Variants in FANK1 observed in about 807,000 individuals in gnomAD.
The protein encoded by FANK1 is fibronectin type 3 and ankyrin repeat domains protein 1.
FANK1 carries 44 observed loss-of-function variants against 45.3 expected under a neutral mutation model. That is an observed-to-expected ratio of 0.97 (90% CI 0.76 to 1.25). FANK1 has a LOEUF of 1.25. Ranked by LOEUF, FANK1 falls within the 50% of genes most tolerant of loss-of-function variation. The probability of loss-of-function intolerance (pLI) is 0.00; values close to 1 mark genes in which losing one functional copy is unlikely to be tolerated. For synonymous variants in FANK1, 149 were observed against 152.5 expected, an observed-to-expected ratio of 0.98 and a Z score of 0.17; for missense variants, 391 against 424.4, an observed-to-expected ratio of 0.92 and a Z score of 0.69.
intron 1 of FANK1, among the ~76,000 whole-genome samples, chr10:125,950,933 G>A (rs1041584737): frequency 1.3e-4 from 19 of 151,232 alleles, no homozygotes; most frequent in Admixed American, 6.6e-4. Context: ...ATGAGTTCGC[G>A]TCCTTTGTAG....
At chr10:125,947,646 C>T (rs1358716468) in intron 1 of FANK1, among the ~76,000 whole-genome samples, 19 of 151,518 alleles carry the variant, frequency 1.3e-4, no homozygotes, top group African/African-American at 4.6e-4. Flanking sequence ...GAGACTTAGA[C>T]ACCCACACAT....
chr10:125,945,562 C>T (rs1422291420), intron 1 of FANK1, among the ~76,000 whole-genome samples: 1 of 152,198 alleles, frequency 6.6e-6, no homozygotes, highest in Non-Finnish European at 1.5e-5. Flanking sequence ...AAACGGCGAA[C>T]CACGAGATTA....
chr10:125,924,082 C>T (rs1398348336), intron 1 of FANK1, among the ~76,000 whole-genome samples: 3 of 152,122 alleles, frequency 2.0e-5, no homozygotes, highest in Non-Finnish European at 4.4e-5. Context: ...AGCGACTACA[C>T]TCCAGCCTGG....
intron 1 of FANK1, among the ~76,000 whole-genome samples, chr10:125,949,874 G>A (rs891913655): frequency 1.4e-5 from 2 of 146,050 alleles, no homozygotes; most frequent in African/African-American, 5.0e-5. Flanking sequence ...TATACTACAA[G>A]GCTACAGTAA....
At chr10:125,914,079 A>G (rs1946249472) in intron 1 of FANK1, among the ~76,000 whole-genome samples, 1 of 152,082 alleles carries the variant, frequency 6.6e-6, no homozygotes, top group African/African-American at 2.4e-5. Flanking sequence ...TTAAATTAAG[A>G]ACCATTAGAA....
chr10:126,000,345 A>C (rs1479484350), intron 6 of FANK1, among the ~76,000 whole-genome samples: 2 of 152,206 alleles, frequency 1.3e-5, no homozygotes, highest in Non-Finnish European at 2.9e-5. Context: ...CAGTTATTAA[A>C]ATGCCTCATA....
At chr10:126,002,999 G>T (rs1177386177) in intron 6 of FANK1, among the ~76,000 whole-genome samples, 1 of 152,004 alleles carries the variant, frequency 6.6e-6, no homozygotes, top group Non-Finnish European at 1.5e-5. Flanking sequence ...AGCTCTATTT[G>T]GGAGGTGGTG....
At chr10:125,972,831 C>T (rs1237149148) in intron 1 of FANK1, 1 of 152,160 alleles carries the variant, frequency 6.6e-6, no homozygotes, top group Non-Finnish European at 1.5e-5. Context: ...AGGCTTCACT[C>T]ACACCTAAGG....
intron 7 of FANK1, among the ~76,000 whole-genome samples, chr10:126,006,376 T>G: frequency 6.6e-6 from 1 of 152,216 alleles, no homozygotes; most frequent in Non-Finnish European, 1.5e-5. Flanking sequence ...CTTATTTTCC[T>G]TATGTTTTAG....
chr10:125,937,521 A>G (rs1253292194), intron 1 of FANK1, among the ~76,000 whole-genome samples: 1 of 152,200 alleles, frequency 6.6e-6, no homozygotes, highest in Non-Finnish European at 1.5e-5. Context: ...TTTTTCATGT[A>G]TAAGCTTTAA....
chr10:125,988,499 G>T (rs373778041), intron 2 of FANK1, 52 bp from the exon 3 acceptor site: 1 of 1,597,574 alleles, frequency 6.3e-7, no homozygotes, highest in African/African-American at 1.3e-5. Context: ...TTATCAGAGA[G>T]TGCAGATTAA....
intron 1 of FANK1, among the ~76,000 whole-genome samples, chr10:125,954,115 T>G (rs560039133): frequency 6.6e-6 from 1 of 152,310 alleles, no homozygotes; most frequent in South Asian, 2.1e-4. Flanking sequence ...AAGCAGAACC[T>G]GATTGGCTAA....
chr10:125,920,704 C>A (rs1166919357), intron 1 of FANK1, among the ~76,000 whole-genome samples: 1 of 152,188 alleles, frequency 6.6e-6, no homozygotes, highest in Non-Finnish European at 1.5e-5. Context: ...CAGGGCAGCA[C>A]ATCGTTTGCA....
chr10:126,009,225 G>A lies in FANK1; in HGVS notation c.931G>A (p.Gly311Ser), dbSNP rs747656202. The change falls in exon 10 of 11, where the codon GGC becomes AGC. Residue 311 changes from glycine (G) to serine (S), a missense_variant. Transcript: ENST00000368693. ...GADASVKNEF[G>S]KGVLEMARVF... ...TTTTTGTTGTTTCCTGTTTCAGTTC[G>A]GCAAAGGTGTCCTAGAAATGGCCAG... The A allele has an allele frequency of 6.8e-6, 11 of 1,614,126 alleles. No individual in the cohort carries two copies. Among genetic ancestry groups the A allele is most frequent in the African/African-American group, 5.3e-5 (4 of 75,016 alleles).
rs537376309 is a variant in FANK1 at position 125,928,114 on chromosome 10, T to C, written c.13+31459T>C. ...CAAGAAAGAATTCAGGGCGAGTCCATAGAGTAAAGTGATAGCAGGTTTATT... is the reference window on the plus strand; with the variant it reads ...CAAGAAAGAATTCAGGGCGAGTCCACAGAGTAAAGTGATAGCAGGTTTATT... On this transcript the variant is annotated intron_variant, in intron 1 of 10. Coordinates refer to ENST00000368693, the MANE Select transcript of FANK1 (RefSeq NM_145235.5). 4.0e-3 allele frequency among the ~76,000 whole-genome samples: 602 copies of C among 152,126 alleles called. 3 individuals carry two copies. Among genetic ancestry groups the C allele is most frequent in the Non-Finnish European group, 6.5e-3 (444 of 68,014 alleles).
Position 126,004,882 on chromosome 10 carries a change from A to C in FANK1, c.540-2A>C. 6.2e-7 allele frequency: 1 copy of C among 1,613,976 alleles called. No individual in the cohort carries two copies. Among genetic ancestry groups the C allele is most frequent in the Non-Finnish European group, 8.5e-7 (1 of 1,179,890 alleles). ...AAATGCCGCTTCTTCCATATGTTGC[A>C]GTCTAATGCTGGCGTGCTATGCGGG... On this transcript the variant is annotated splice_acceptor_variant, in intron 6 of 10. Transcript: ENST00000368693. LOFTEE classifies it high-confidence loss of function.
chr10:125,905,002 G>A (rs1174334785), intron 1 of FANK1, among the ~76,000 whole-genome samples: 2 of 151,812 alleles, frequency 1.3e-5, no homozygotes, highest in South Asian at 2.1e-4. Context: ...GTGGTGGTGG[G>A]CGCCTGTAGT....
intron 2 of FANK1, among the ~76,000 whole-genome samples, chr10:125,987,672 C>T (rs73370552): frequency 0.017 from 2,537 of 152,196 alleles, 74 homozygotes; most frequent in African/African-American, 0.055. Flanking sequence ...AAATGGGTAA[C>T]ATGGAGGTTT....
intron 1 of FANK1, among the ~76,000 whole-genome samples, chr10:125,923,893 T>C (rs959967277): frequency 7.2e-5 from 11 of 152,254 alleles, no homozygotes; most frequent in Non-Finnish European, 1.5e-4. Flanking sequence ...CAAGATTGTT[T>C]TTTGACTGCT....
Sources: gnomAD v4.1 joint callset for allele counts (sites outside exome capture counted in the v4.1 genomes callset) on GRCh38, gnomAD v4.1.1 for gene constraint, MANE v1.5 for transcripts, NCBI Gene and HGNC (gene_info 2026-07-23, HGNC 2026-07-21) for gene names.